Variants in METTL15 observed in about 807,000 individuals in gnomAD.
METTL15 encodes the protein methyltransferase 15, mitochondrial 12S rRNA N4-cytidine.
A neutral mutation model predicts 38.3 loss-of-function variants in METTL15; 34 were observed. The observed-to-expected ratio is 0.89, with a 90% confidence interval of 0.68 to 1.18. The LOEUF is 1.18. Among genes scored for constraint, METTL15 ranks in the 50% most tolerant of loss-of-function variants. The pLI is 0.00. For missense variants in METTL15, 438 were observed against 498.4 expected (o/e 0.88, Z 1.15); for synonymous variants, 162 against 170.9 (o/e 0.95, Z 0.41).
intron 6 of METTL15, among the ~76,000 whole-genome samples, chr11:28,429,915 C>T (rs373741637): frequency 0.072 from 7,915 of 109,718 alleles, 213 homozygotes; most frequent in East Asian, 0.29. Flanking sequence ...AAGTGAGGAG[C>T]GCCTCTTCCC....
intron 5 of METTL15, among the ~76,000 whole-genome samples, chr11:28,380,168 C>T (rs1158251865): frequency 4.0e-5 from 5 of 124,056 alleles, no homozygotes; most frequent in African/African-American, 1.2e-4. Context: ...CCACTTTATG[C>T]TTTTTTTTTT....
chr11:28,531,854 C>G (rs910768978), downstream of METTL15, among the ~76,000 whole-genome samples: 15 of 151,874 alleles, frequency 9.9e-5, no homozygotes, highest in African/African-American at 3.6e-4. Context: ...ATCTTTTTAA[C>G]CCCCCAAAAC....
intron 3 of METTL15, among the ~76,000 whole-genome samples, chr11:28,115,965 C>CAA (rs1590741413): frequency 6.6e-6 from 1 of 151,108 alleles, no homozygotes; most frequent in Middle Eastern, 3.4e-3. Flanking sequence ...CACACACACA[C>CAA]AACCCTACCG....
intron 4 of METTL15, among the ~76,000 whole-genome samples, chr11:28,355,011 A>G (rs1482284089): frequency 1.3e-5 from 2 of 152,126 alleles, no homozygotes; most frequent in Non-Finnish European, 2.9e-5. Context: ...TGAAGAGTGC[A>G]TCTCTGGGAC....
chr11:28,434,167 G>A (rs1051749597), intron 6 of METTL15, among the ~76,000 whole-genome samples: 6 of 152,074 alleles, frequency 3.9e-5, no homozygotes, highest in Non-Finnish European at 8.8e-5. Context: ...TAGTTCTCAC[G>A]AGATCTGGTG....
At chr11:28,406,122 G>GT (rs1170197658) in intron 5 of METTL15, among the ~76,000 whole-genome samples, 14 of 151,966 alleles carry the variant, frequency 9.2e-5, no homozygotes, top group Middle Eastern at 3.4e-3. Flanking sequence ...TTTTAAAATA[G>GT]TTTTTTTTCT....
At chr11:28,118,281 T>C (rs1852061742) in intron 3 of METTL15, among the ~76,000 whole-genome samples, 1 of 152,242 alleles carries the variant, frequency 6.6e-6, no homozygotes, top group Admixed American at 6.5e-5. Context: ...TTACTACCTA[T>C]GTAGTTTACT....
chr11:28,342,173 C>G (rs1849958214), intron 3 of METTL15, among the ~76,000 whole-genome samples: 1 of 152,162 alleles, frequency 6.6e-6, no homozygotes, highest in African/African-American at 2.4e-5. Context: ...CATTCTTCAT[C>G]CCAGTTGTTC....
chr11:28,225,587 C>T (rs547972744), intron 4 of METTL15, among the ~76,000 whole-genome samples: 1 of 150,956 alleles, frequency 6.6e-6, no homozygotes, highest in African/African-American at 2.4e-5. Context: ...ATCTATTTCT[C>T]ACTTGTTCTT....
At chr11:28,505,776 G>A (rs923822137) in intron 6 of METTL15, among the ~76,000 whole-genome samples, 6 of 152,148 alleles carry the variant, frequency 3.9e-5, no homozygotes, top group African/African-American at 1.4e-4. Flanking sequence ...CCATAACTCA[G>A]CTGGTATGAT....
intron 6 of METTL15, among the ~76,000 whole-genome samples, chr11:28,501,874 C>T (rs369656220): frequency 4.6e-5 from 7 of 152,074 alleles, no homozygotes; most frequent in East Asian, 1.9e-4. Flanking sequence ...CCGAGGCAGG[C>T]GGATCACGAA....
chr11:28,310,895 GCT>G, intron 6 of METTL15, among the ~76,000 whole-genome samples: 2 of 93,414 alleles, frequency 2.1e-5, no homozygotes, highest in Non-Finnish European at 4.8e-5. Context: ...TGCTGCTGCT[GCT>G]GCTGCTGCTG....
At chr11:28,320,482 C>T (rs1849427764) in intron 6 of METTL15, among the ~76,000 whole-genome samples, 1 of 151,930 alleles carries the variant, frequency 6.6e-6, no homozygotes, top group African/African-American at 2.4e-5. Context: ...ATCACTTGAT[C>T]CCAGGGTTCA....
chr11:28,328,055 C>A (rs751796405), intron 6 of METTL15: 2 of 1,583,640 alleles, frequency 1.3e-6, no homozygotes, highest in African/African-American at 2.7e-5. Flanking sequence ...ATGTTTACTT[C>A]CTATTTTACA....
intron 6 of METTL15, among the ~76,000 whole-genome samples, chr11:28,431,789 TTA>T (rs1491224393): frequency 0.017 from 170 of 9,944 alleles, 3 homozygotes; most frequent in African/African-American, 0.029. Context: ...AAAAATAAAT[TTA>T]AAAAAAAAAA....
At chr11:28,311,448 G>A (rs1857302086) in intron 6 of METTL15, among the ~76,000 whole-genome samples, 1 of 152,118 alleles carries the variant, frequency 6.6e-6, no homozygotes, top group African/African-American at 2.4e-5. Context: ...GTGTTCATAT[G>A]CCTAACTAGC....
At chr11:28,479,965 G>T (rs1031013019) in intron 6 of METTL15, among the ~76,000 whole-genome samples, 1 of 152,138 alleles carries the variant, frequency 6.6e-6, no homozygotes, top group Non-Finnish European at 1.5e-5. Context: ...ATTGATGAAT[G>T]AGTGTAGTTC....
intron 5 of METTL15, among the ~76,000 whole-genome samples, chr11:28,373,793 T>G (rs1230198820): frequency 1.3e-5 from 2 of 152,140 alleles, no homozygotes; most frequent in African/African-American, 4.8e-5. Flanking sequence ...GTTTTTCTGG[T>G]TTTAGGTCTA....
chr11:28,343,816 A>C (rs1849975554), intron 3 of METTL15, among the ~76,000 whole-genome samples: 1 of 152,198 alleles, frequency 6.6e-6, no homozygotes. Flanking sequence ...AGAGTAAAAA[A>C]AGTGCTTCTT....
Sources: gnomAD v4.1 joint callset for allele counts (sites outside exome capture counted in the v4.1 genomes callset) on GRCh38, gnomAD v4.1.1 for gene constraint, MANE v1.5 for transcripts, NCBI Gene and HGNC (gene_info 2026-07-23, HGNC 2026-07-21) for gene names.